NFKBIZ: variants seen among roughly 807,000 people sequenced by gnomAD.
The protein encoded by NFKBIZ is NFKB inhibitor zeta, also known as NF-kappa-B inhibitor zeta.
A neutral mutation model predicts 76.8 loss-of-function variants in NFKBIZ; 19 were observed. The observed-to-expected ratio is 0.25, with a 90% CI of 0.17 to 0.36. The LOEUF is 0.36. Among genes scored for constraint, NFKBIZ ranks in the 10% least tolerant of loss-of-function variants. NFKBIZ has a pLI of 1.00. For missense variants in NFKBIZ, 829 were observed against 910.9 expected (o/e 0.91, Z 1.16); for synonymous variants, 368 against 354.8 (o/e 1.04, Z -0.42).
Position 101,857,110 on chromosome 3 carries a change from C to T in NFKBIZ, c.1862C>T (p.Ala621Val), listed in dbSNP as rs1560089865. 2 of 1,613,736 alleles carry T rather than the reference C, an allele frequency of 1.2e-6. No homozygotes were observed. The change falls in exon 10 of 12, where the codon GCT (alanine) becomes GTT (valine). Residue 621 changes from alanine (A) to valine (V), a missense_variant. Ala to Val is a moderately conservative substitution (Grantham distance 64, BLOSUM62 0). This residue lies in a region of NFKBIZ where 272 missense variants were observed against 384.2 expected (regional missense o/e 0.71). Coordinates refer to ENST00000326172, the MANE Select transcript of NFKBIZ (RefSeq NM_031419.4). Reference protein sequence around the residue: ...KSGRTALHLAAEEANLELIRL... With the variant: ...KSGRTALHLAVEEANLELIRL... ...GGCCGCACAGCCCTGCATTTGGCAGCTGAAGAAGCAAATCTGGAACTCATT... is the reference window on the plus strand; with the variant it reads ...GGCCGCACAGCCCTGCATTTGGCAGTTGAAGAAGCAAATCTGGAACTCATT...
In NFKBIZ at chr3:101,859,455, T is replaced by C; in HGVS notation, c.*84T>C. On this transcript the variant is annotated 3_prime_UTR_variant, in exon 12 of 12. Transcript: ENST00000326172. Reference sequence around the variant, plus strand: ...ATCTGTACATAGACCATTTGCCTTATATTGGCAAATGTAAGTTGTTTCTAT... The same window carrying C: ...ATCTGTACATAGACCATTTGCCTTACATTGGCAAATGTAAGTTGTTTCTAT... 4.6e-6 allele frequency: 5 copies of C among 1,083,594 alleles called. No individual in the cohort carries two copies. The highest frequency in any genetic ancestry group is 1.3e-5 in the South Asian group (1 of 76,920). 67.1% of individuals were successfully genotyped at this position (1,083,594 alleles called of 1,614,324 possible). A position where few individuals can be genotyped will look rare whatever the true frequency, so the allele number is the denominator to read the frequency against.
At chr3:101,854,993 T>C (rs1943027812) in intron 6 of NFKBIZ, 69 bp from the exon 7 acceptor site, 2 of 1,479,354 alleles carry the variant, frequency 1.4e-6, no homozygotes, top group Non-Finnish European at 1.8e-6. Context: ...AGTCATAGTT[T>C]AGTTTCATAT....
upstream of NFKBIZ, among the ~76,000 whole-genome samples, chr3:101,846,302 C>T (rs180726996): frequency 6.6e-6 from 1 of 152,350 alleles, no homozygotes; most frequent in East Asian, 1.9e-4. Context: ...TTGATTAGAA[C>T]AATGGCAGCA....
rs35313454 is a variant in NFKBIZ at position 101,853,384 on chromosome 3, G to C, written c.858G>C (p.Leu286=). ...AACAAATGATAGACCAGGCTTCCCT[G>C]TACCAGTATTCTCCACAGAACCAGC... is the stretch of plus-strand genomic sequence containing the variant. The part of the protein sequence containing the change: ...GSQQMIDQAS[L]YQYSPQNQHV... The change falls in exon 5 of 12, where the codon CTG becomes CTC. Residue 286 remains leucine, a synonymous_variant. Coordinates refer to ENST00000326172, the MANE Select transcript of NFKBIZ (RefSeq NM_031419.4). 12,584 of 1,614,016 alleles carry C rather than the reference G, an allele frequency of 7.8e-3. 737 individuals carry two copies. The African/African-American group carries it at 0.14, about 17-fold the overall frequency.
upstream of NFKBIZ, among the ~76,000 whole-genome samples, chr3:101,846,562 T>C (rs1480310236): frequency 2.6e-5 from 4 of 152,192 alleles, no homozygotes; most frequent in Non-Finnish European, 5.9e-5. Flanking sequence ...GGCCATGAAT[T>C]TGTGGCTTGA....
At chr3:101,855,540 A>G (rs1177448096) in intron 8 of NFKBIZ, 82 bp downstream of exon 8, 2 of 1,356,188 alleles carry the variant, frequency 1.5e-6, no homozygotes, top group Non-Finnish European at 2.1e-6. Flanking sequence ...ACTAAGAAGG[A>G]AGGTAATTAA....
Position 101,849,589 on chromosome 3 carries a change from G to A in NFKBIZ, c.-40G>A. ...AGGCAGCCGCGCGCAGCGAGCCGGT[G>A]GCGCAGGTGTCGGGGTCCTCGAGCG... On this transcript the variant is annotated 5_prime_UTR_variant, in exon 1 of 12. Coordinates refer to ENST00000326172, the MANE Select transcript of NFKBIZ (RefSeq NM_031419.4). 7.7e-7 allele frequency: 1 copy of A among 1,303,326 alleles called. No individual in the cohort carries two copies. The highest frequency in any genetic ancestry group is 2.3e-5 in the South Asian group (1 of 44,014). The allele number at this position is 1,303,326 out of a possible 1,614,324, so 80.7% of individuals were successfully genotyped here.
At position 101,830,272 on chromosome 3, in the gene NFKBIZ, T is replaced by C. The variant is rs541252035; in HGVS notation, c.-12+584T>C. On this transcript the variant is annotated intron_variant, in intron 2 of 12. Coordinates refer to the NFKBIZ transcript ENST00000394054. The stretch of plus-strand genomic sequence containing the variant: ...TGGGAGCTTACCAGCAAGATCTCAT[T>C]TAGCCCTACAGCATTTTTTAGGTAG... Among the ~76,000 whole-genome samples, 5 of 152,368 alleles carry C rather than the reference T, an allele frequency of 3.3e-5. No individual in the cohort carries two copies. In the East Asian group the frequency reaches 7.7e-4, roughly 23 times the overall value.
upstream of NFKBIZ, among the ~76,000 whole-genome samples, chr3:101,848,220 C>T (rs1420607304): frequency 6.6e-6 from 1 of 152,176 alleles, no homozygotes; most frequent in Non-Finnish European, 1.5e-5. Context: ...AAATAAAATT[C>T]CAGTGTCTCA....
intron 8 of NFKBIZ, 33 bp downstream of exon 8, chr3:101,855,491 C>A: frequency 6.3e-7 from 1 of 1,585,044 alleles, no homozygotes; most frequent in Non-Finnish European, 8.7e-7. Context: ...GATTCAGAGC[C>A]ACTTAGGGGG....
intron 1 of NFKBIZ, among the ~76,000 whole-genome samples, chr3:101,829,254 G>C (rs1252474163): frequency 6.6e-6 from 1 of 152,168 alleles, no homozygotes; most frequent in East Asian, 1.9e-4. Flanking sequence ...GTCAGTCTGA[G>C]AGGAGTTAGC....
chr3:101,851,155 G>C (rs924460242), intron 1 of NFKBIZ, among the ~76,000 whole-genome samples: 5 of 152,158 alleles, frequency 3.3e-5, no homozygotes, highest in Admixed American at 6.5e-5. Context: ...CAAATTATGC[G>C]TTGTTTCTTG....
rs115159117 is a variant in NFKBIZ, at chr3:101,855,438, T to C, written c.1634T>C (p.Leu545Pro). Residue 545 changes from leucine (L) to proline (P), a missense_variant, in exon 8 of 12, where the codon CTT becomes CCT. Physicochemically the swap from Leu to Pro is moderately conservative, Grantham distance 98. Transcript: ENST00000326172. ...GAVGSNQFVD[L>P]EATNYDGLTP... is the part of the protein sequence containing the mutation. ...GTGGGAAGTAATCAGTTTGTGGATC[T>C]TGAGGCAACTAACTATGATGGTAAG... 1,419 of 1,614,190 alleles carry C rather than the reference T, an allele frequency of 8.8e-4. No individual in the cohort carries two copies. The highest frequency in any genetic ancestry group is 1.1e-3 in the Non-Finnish European group (1,324 of 1,179,996).
At chr3:101,837,491 CAAAAA>C (rs10713154) in intron 2 of NFKBIZ, among the ~76,000 whole-genome samples, 7 of 93,126 alleles carry the variant, frequency 7.5e-5, no homozygotes, top group Admixed American at 1.1e-4. Context: ...GATCCTGTCT[CAAAAA>C]AAAAAAAAAA....
Position 101,853,091 on chromosome 3 carries a change from A to T in NFKBIZ, c.565A>T (p.Thr189Ser), listed in dbSNP as rs1443625101. The change falls in exon 5 of 12, where the codon ACA becomes TCA. Residue 189 changes from threonine (T) to serine (S), a missense_variant and splice_region_variant. Coordinates refer to ENST00000326172, the MANE Select transcript of NFKBIZ (RefSeq NM_031419.4). ...RPALLHSQFL[T>S]PPQTPTPGES... ...CAAGTTGCATTTTCCTTCTTTCCAG[A>T]CACCACCTCAAACACCAACGCCCGG... The T allele has an allele frequency of 6.2e-7, 1 of 1,612,450 alleles. No homozygotes were observed. The highest frequency in any genetic ancestry group is 8.5e-7 in the Non-Finnish European group (1 of 1,178,682).
At chr3:101,839,965 G>A (rs766316910) in intron 2 of NFKBIZ, among the ~76,000 whole-genome samples, 4 of 152,078 alleles carry the variant, frequency 2.6e-5, no homozygotes, top group Non-Finnish European at 4.4e-5. Context: ...TAGAATCTGC[G>A]GATTTGTGTA....
rs1387707381 is a variant in NFKBIZ at position 101,858,043 on chromosome 3, A to T, written c.2103+584A>T. The T allele has an allele frequency of 3.5e-6, 3 of 859,866 alleles. No homozygotes were observed. The African/African-American group carries it at 5.5e-5, about 16-fold the overall frequency. 53.3% of individuals were successfully genotyped at this position (859,866 alleles called of 1,614,324 possible). Reference sequence around the variant, plus strand: ...CAAATATGGTTATATATTATCATTGAGTATTGAATAGTTTCATGAGTAAAC... The same window carrying T: ...CAAATATGGTTATATATTATCATTGTGTATTGAATAGTTTCATGAGTAAAC... On this transcript the variant is annotated intron_variant, in intron 11 of 11. Coordinates refer to ENST00000326172, the MANE Select transcript of NFKBIZ (RefSeq NM_031419.4).
At chr3:101,829,881 G>T (rs377511918) in intron 2 of NFKBIZ, among the ~76,000 whole-genome samples, 4,238 of 150,220 alleles carry the variant, frequency 0.028, 77 homozygotes, top group Middle Eastern at 0.066. Flanking sequence ...AAGATTTTTT[G>T]TGTGTGTGTG....
At chr3:101,834,505 C>T (rs1162654596) in intron 2 of NFKBIZ, among the ~76,000 whole-genome samples, 1 of 152,122 alleles carries the variant, frequency 6.6e-6, no homozygotes, top group African/African-American at 2.4e-5. Flanking sequence ...GGACTACAGG[C>T]ACCCGCCACC....
Sources: gnomAD v4.1 joint callset for allele counts (sites outside exome capture counted in the v4.1 genomes callset) on GRCh38, gnomAD v4.1.1 for gene constraint, gnomAD v4.1.1 regional missense constraint, MANE v1.5 for transcripts, NCBI Gene and HGNC (gene_info 2026-07-23, HGNC 2026-07-21) for gene names.